The following TIMM9 variants were observed in gnomAD, a reference collection of about 807,000 sequenced individuals.
The protein encoded by TIMM9 is mitochondrial import inner membrane translocase subunit Tim9.
A neutral mutation model predicts 13.4 loss-of-function variants in TIMM9; 10 were observed. That is an observed-to-expected ratio of 0.75 (90% CI 0.46 to 1.26). The LOEUF is 1.26. Ranked by LOEUF, TIMM9 falls within the 50% of genes most tolerant of loss-of-function variation. The probability of loss-of-function intolerance (pLI) is 0.00; values close to 1 mark genes in which losing one functional copy is unlikely to be tolerated. For synonymous variants in TIMM9, 32 were observed against 32.1 expected (o/e 1.00, Z 0.01); for missense variants, 87 against 100.8 (o/e 0.86, Z 0.58).
chr14:58,413,099 A>G (rs2036275166), intron 3 of TIMM9, among the ~76,000 whole-genome samples: 2 of 152,190 alleles, frequency 1.3e-5, no homozygotes, highest in African/African-American at 2.4e-5. Flanking sequence ...AAAAGTATTA[A>G]TAAGACATTT....
rs112722385 is a variant in TIMM9, at chr14:58,409,275, A to T, written c.136-107T>A. 8.6e-5 allele frequency: 109 copies of T among 1,270,480 alleles called. 1 individual carries two copies. The African/African-American group carries it at 1.1e-3, about 13-fold the overall frequency. The allele number at this position is 1,270,480 out of a possible 1,614,324, so 78.7% of individuals were successfully genotyped here. ...GGGTAGTTTGCTTTTCTTTGAATAT[A>T]TCTGAGAATTAAATAGTACTAATTG... On this transcript the variant is annotated intron_variant, in intron 5 of 5. Coordinates refer to ENST00000395159, the MANE Select transcript of TIMM9 (RefSeq NM_012460.4).
chr14:58,410,439 A>G (rs1392537790), intron 5 of TIMM9, among the ~76,000 whole-genome samples: 3 of 151,168 alleles, frequency 2.0e-5, no homozygotes, highest in Non-Finnish European at 4.5e-5. Context: ...TAAGACTTCT[A>G]ATAGGATGAG....
chr14:58,427,411 G>C lies in TIMM9; in HGVS notation c.-323C>G. ...ATTTACCTAATCCCACGTCCCTAACGGTCTTCGGAAGCGAAGCAGTGTCAA... is the reference window on the plus strand; with the variant it reads ...ATTTACCTAATCCCACGTCCCTAACCGTCTTCGGAAGCGAAGCAGTGTCAA... On this transcript the variant is annotated 5_prime_UTR_variant, in exon 1 of 6. Transcript: ENST00000395159. 1 of 567,540 alleles carries C rather than the reference G, an allele frequency of 1.8e-6. No individual in the cohort carries two copies. The highest frequency in any genetic ancestry group is 3.1e-6 in the Non-Finnish European group (1 of 323,712). The allele number at this position is 567,540 out of a possible 1,614,324, so 35.2% of individuals were successfully genotyped here.
At chr14:58,415,748 CAAG>C (rs910469642) in intron 3 of TIMM9, among the ~76,000 whole-genome samples, 7 of 151,706 alleles carry the variant, frequency 4.6e-5, no homozygotes, top group Non-Finnish European at 1.0e-4. Context: ...CATTAGAGTC[CAAG>C]AAGGAGAGGA....
intron 3 of TIMM9, among the ~76,000 whole-genome samples, chr14:58,423,419 G>A (rs1486014579): frequency 6.7e-6 from 1 of 149,112 alleles, no homozygotes; most frequent in Non-Finnish European, 1.5e-5. Flanking sequence ...TCGGGAGGCT[G>A]AGGCAGAACT....
intron 3 of TIMM9, among the ~76,000 whole-genome samples, chr14:58,418,500 AG>A (rs1403712653): frequency 3.3e-5 from 5 of 152,222 alleles, no homozygotes; most frequent in Admixed American, 3.3e-4. Context: ...AGATTGTAAA[AG>A]AAAAAACAAA....
chr14:58,412,462 T>C (rs2036252556), intron 3 of TIMM9, among the ~76,000 whole-genome samples: 1 of 152,186 alleles, frequency 6.6e-6, no homozygotes, highest in Admixed American at 6.5e-5. Context: ...TTTCTAATGC[T>C]AGTTTGGGAC....
intron 3 of TIMM9, among the ~76,000 whole-genome samples, chr14:58,423,267 C>T (rs1382459603): frequency 6.6e-6 from 1 of 151,738 alleles, no homozygotes; most frequent in East Asian, 1.9e-4. Context: ...CCTGTAATCC[C>T]AGCACATTGG....
At chr14:58,414,748 AAAAG>A (rs2036343883) in intron 3 of TIMM9, among the ~76,000 whole-genome samples, 1 of 151,340 alleles carries the variant, frequency 6.6e-6, no homozygotes, top group Non-Finnish European at 1.5e-5. Context: ...AAAAAAAAAA[AAAAG>A]AAAAAAAAGA....
rs985297168 is a variant in TIMM9 at position 58,427,434 on chromosome 14, C to CAACA, written c.-350_-347dup. 1.5e-6 allele frequency: 1 copy of CAACA among 667,858 alleles called. No homozygotes were observed. Among genetic ancestry groups the CAACA allele is most frequent in the Admixed American group, 2.8e-5 (1 of 35,212 alleles). The allele number at this position is 667,858 out of a possible 1,614,324, so 41.4% of individuals were successfully genotyped here. On this transcript the variant is annotated 5_prime_UTR_variant, in exon 1 of 6. Transcript: ENST00000395159. ...ACGGTCTTCGGAAGCGAAGCAGTGT[C>CAACA]AACAGTCCCTGGTAAACACAAGTAG...
In TIMM9 at chr14:58,410,899, T is replaced by A; in HGVS notation, c.79A>T (p.Thr27Ser). The A allele has an allele frequency of 6.2e-7, 1 of 1,613,680 alleles. No individual in the cohort carries two copies. The highest frequency in any genetic ancestry group is 8.5e-7 in the Non-Finnish European group (1 of 1,179,870). Residue 27 changes from threonine (T) to serine (S), a missense_variant, in exon 5 of 6, where the codon ACC becomes TCC. Coordinates refer to ENST00000395159, the MANE Select transcript of TIMM9 (RefSeq NM_012460.4). ...FLGTYNKLTETCFLDCVKDFT... is the reference protein window; with the variant it reads ...FLGTYNKLTESCFLDCVKDFT... ...TCTTTAACACAGTCCAAAAAGCAGG[T>A]CTCTGTAAGTTTATTGTAGGTCCCC...
At chr14:58,418,185 G>A (rs527332245) in intron 3 of TIMM9, among the ~76,000 whole-genome samples, 5 of 152,000 alleles carry the variant, frequency 3.3e-5, no homozygotes, top group African/African-American at 4.8e-5. Context: ...AAATTAATCC[G>A]TTTAAGTCCA....
At chr14:58,420,195 T>G (rs1027504783) in intron 3 of TIMM9, among the ~76,000 whole-genome samples, 1 of 152,062 alleles carries the variant, frequency 6.6e-6, no homozygotes, top group Admixed American at 6.6e-5. Context: ...AATTAATAAA[T>G]TAGACTTCAT....
Position 58,427,229 on chromosome 14 carries a change from T to C in TIMM9, c.-290A>G, listed in dbSNP as rs2036891228. On this transcript the variant is annotated 5_prime_UTR_variant, in exon 2 of 6. Coordinates refer to ENST00000395159, the MANE Select transcript of TIMM9 (RefSeq NM_012460.4). Reference sequence around the variant, plus strand: ...TAAACCCTTAGACGCCGATTCGTTATAACGCGAGGAAATCTAGAAGAAAAA... The same window carrying C: ...TAAACCCTTAGACGCCGATTCGTTACAACGCGAGGAAATCTAGAAGAAAAA... 1 of 211,118 alleles carries C rather than the reference T, an allele frequency of 4.7e-6. No individual in the cohort carries two copies. Among genetic ancestry groups the C allele is most frequent in the Non-Finnish European group, 9.9e-6 (1 of 100,650 alleles). 13.1% of individuals were successfully genotyped at this position (211,118 alleles called of 1,614,324 possible). A position where few individuals can be genotyped will look rare whatever the true frequency, so the allele number is the denominator to read the frequency against.
chr14:58,417,180 G>C (rs2036437969), intron 3 of TIMM9, among the ~76,000 whole-genome samples: 1 of 152,202 alleles, frequency 6.6e-6, no homozygotes, highest in East Asian at 1.9e-4. Flanking sequence ...GGCCTCCCCA[G>C]CCATGTGGAA....
chr14:58,415,010 T>A (rs1401018637), intron 3 of TIMM9, among the ~76,000 whole-genome samples: 3 of 152,154 alleles, frequency 2.0e-5, no homozygotes, highest in African/African-American at 7.2e-5. Context: ...CCTGCTGTAA[T>A]GTCAGTGGAG....
At chr14:58,425,047 T>C (rs2036692661) in intron 2 of TIMM9, among the ~76,000 whole-genome samples, 1 of 152,100 alleles carries the variant, frequency 6.6e-6, no homozygotes, top group African/African-American at 2.4e-5. Context: ...GAACAATTTG[T>C]AAGACAACCT....
At chr14:58,414,786 C>T (rs1166205917) in intron 3 of TIMM9, among the ~76,000 whole-genome samples, 1 of 150,780 alleles carries the variant, frequency 6.6e-6, no homozygotes, top group Non-Finnish European at 1.5e-5. Context: ...ACAATAACTA[C>T]TGACATTTAA....
chr14:58,418,533 T>C (rs1399463087), intron 3 of TIMM9, among the ~76,000 whole-genome samples: 1 of 152,164 alleles, frequency 6.6e-6, no homozygotes, highest in African/African-American at 2.4e-5. Context: ...TTGCATGTAA[T>C]ATAATTATGA....
Sources: gnomAD v4.1 joint callset for allele counts (sites outside exome capture counted in the v4.1 genomes callset) on GRCh38, gnomAD v4.1.1 for gene constraint, MANE v1.5 for transcripts, NCBI Gene and HGNC (gene_info 2026-07-23, HGNC 2026-07-21) for gene names.